The following CACNA1H variants were observed in gnomAD, a reference collection of about 807,000 sequenced individuals.
CACNA1H encodes the protein voltage-dependent T-type calcium channel subunit alpha-1H.
In CACNA1H, 149 loss-of-function variants were observed where a neutral mutation model predicts 192.5. That is an observed-to-expected ratio of 0.77 (90% CI 0.68 to 0.89). CACNA1H has a LOEUF of 0.89. Among genes scored for constraint, CACNA1H ranks in the 40% least tolerant of loss-of-function variants. The probability of loss-of-function intolerance (pLI) is 0.00; values close to 1 mark genes in which losing one functional copy is unlikely to be tolerated. For synonymous variants in CACNA1H, 2,202 were observed against 1,475.2 expected (o/e 1.49, Z -11.29); for missense variants, 4,257 against 3,423.5 (o/e 1.24, Z -6.08).
Position 1,205,116 on chromosome 16 carries a change from C to T in CACNA1H, c.2454C>T (p.Pro818=), listed in dbSNP as rs545917540. ...LSMGVEYHEQ[P]EELTNALEIS... ...ACTGTCCCCACCTCTGCCTGCAGCC[C>T]GAGGAGCTGACTAATGCTCTGGAGA... is the stretch of plus-strand genomic sequence containing the variant. The change falls in exon 11 of 35, where the codon CCC becomes CCT. Residue 818 remains proline, a splice_region_variant and synonymous_variant. Transcript: ENST00000348261. 1.1e-5 allele frequency: 18 copies of T among 1,610,864 alleles called. No homozygotes were observed. The highest frequency in any genetic ancestry group is 1.6e-4 in the Middle Eastern group (1 of 6,078).
At chr16:1,175,490 A>G (rs1018341849) in intron 2 of CACNA1H, among the ~76,000 whole-genome samples, 1 of 151,670 alleles carries the variant, frequency 6.6e-6, no homozygotes, top group Admixed American at 6.6e-5. Context: ...GGCTGGATGC[A>G]CCCCTGCCCC....
Position 1,198,482 on chromosome 16 carries a change from C to T in CACNA1H, c.644-133C>T, listed in dbSNP as rs35745841. On this transcript the variant is annotated intron_variant, in intron 5 of 34. Coordinates refer to ENST00000348261, the MANE Select transcript of CACNA1H (RefSeq NM_021098.3). ...GCGGGAAAATCACCAGGGGGTGGCC[C>T]GAGTCAGTGTGCAGTGGGCGTGGAC... is the stretch of plus-strand genomic sequence containing the variant. 1.0e-3 allele frequency: 937 copies of T among 927,880 alleles called. 10 individuals carry two copies. The African/African-American group carries it at 0.014, about 14-fold the overall frequency. 57.5% of individuals were successfully genotyped at this position (927,880 alleles called of 1,614,324 possible).
chr16:1,197,569 C>G (rs1224810379), intron 5 of CACNA1H, among the ~76,000 whole-genome samples: 1 of 152,212 alleles, frequency 6.6e-6, no homozygotes, highest in Non-Finnish European at 1.5e-5. Context: ...AGGGCTGCAT[C>G]CTGTTCTGTT....
intron 19 of CACNA1H, 32 bp from the exon 20 acceptor site, chr16:1,210,551 G>A: frequency 6.2e-7 from 1 of 1,610,166 alleles, no homozygotes; most frequent in Non-Finnish European, 8.5e-7. Context: ...GGGGTGGAGT[G>A]GACACAGCCC....
At position 1,202,271 on chromosome 16, in the gene CACNA1H, G is replaced by T. The variant is rs187675719; in HGVS notation, c.1821G>T (p.Gly607=). ...CTGCCAGCCTCAGACTGGCCACAGG[G>T]CTGGGCACCATGAACTACCCCACGA... ...TAAASLRLAT[G]LGTMNYPTIL... is the part of the protein sequence containing the mutation. The change falls in exon 9 of 35, where the codon GGG becomes GGT. Residue 607 remains glycine (G), a synonymous_variant. Transcript: ENST00000348261. The T allele has an allele frequency of 6.2e-5, 98 of 1,578,402 alleles. No homozygotes were observed. Among genetic ancestry groups the T allele is most frequent in the Non-Finnish European group, 8.3e-5 (97 of 1,164,404 alleles).
chr16:1,212,714 G>T (rs747240035), intron 26 of CACNA1H, among the ~76,000 whole-genome samples, 186 bp downstream of exon 26: 5 of 152,186 alleles, frequency 3.3e-5, no homozygotes, highest in Non-Finnish European at 7.4e-5. Flanking sequence ...GCGTGCACGC[G>T]TGCGGCTCTG....
chr16:1,154,902 G>C (rs1962102929), intron 2 of CACNA1H, among the ~76,000 whole-genome samples: 2 of 152,196 alleles, frequency 1.3e-5, no homozygotes, highest in Admixed American at 6.5e-5. Context: ...GGCCTTGCGT[G>C]GTGCCTGTGT....
Position 1,220,879 on chromosome 16 carries a change from AC to A in CACNA1H, c.6953del (p.Pro2318GlnfsTer67). 3 of 1,612,122 alleles carry A rather than the reference AC, an allele frequency of 1.9e-6. No homozygotes were observed. Among genetic ancestry groups the A allele is most frequent in the Non-Finnish European group, 2.5e-6 (3 of 1,179,630 alleles). ...PESEPPMPVG[D>X]PPEKRRGLYL... Reference sequence around the variant, plus strand: ...TCAGAGCCTCCCATGCCCGTCGGTGACCCCCCAGAGAAGAGGCGGGGGCTGT... The same window carrying A: ...TCAGAGCCTCCCATGCCCGTCGGTGACCCCCAGAGAAGAGGCGGGGGCTGT... On this transcript the variant is annotated frameshift_variant, in exon 35 of 35. Coordinates refer to ENST00000348261, the MANE Select transcript of CACNA1H (RefSeq NM_021098.3). LOFTEE classifies it low-confidence loss of function (END_TRUNC).
chr16:1,155,362 C>A (rs962401299), intron 2 of CACNA1H, among the ~76,000 whole-genome samples: 2 of 152,210 alleles, frequency 1.3e-5, no homozygotes, highest in Non-Finnish European at 2.9e-5. Flanking sequence ...GGTGCAGGCC[C>A]GGCCTTGAAG....
intron 2 of CACNA1H, among the ~76,000 whole-genome samples, chr16:1,174,480 G>T (rs538254473): frequency 1.3e-5 from 2 of 151,902 alleles, no homozygotes; most frequent in African/African-American, 2.4e-5. Flanking sequence ...GCCCAGCCTG[G>T]ACTCTGCAGG....
chr16:1,208,573 T>A (rs1052540240), intron 16 of CACNA1H, among the ~76,000 whole-genome samples: 1 of 152,122 alleles, frequency 6.6e-6, no homozygotes, highest in African/African-American at 2.4e-5. Flanking sequence ...CCCGATTCCC[T>A]TTACGGCCAG....
At chr16:1,160,772 G>A (rs1482105198) in intron 2 of CACNA1H, among the ~76,000 whole-genome samples, 3 of 152,180 alleles carry the variant, frequency 2.0e-5, no homozygotes, top group African/African-American at 4.8e-5. Context: ...CTGCCGCCCG[G>A]TCGCTTGCCG....
intron 2 of CACNA1H, among the ~76,000 whole-genome samples, chr16:1,193,298 G>T (rs1966777849): frequency 6.6e-6 from 1 of 152,260 alleles, no homozygotes; most frequent in Non-Finnish European, 1.5e-5. Context: ...CGAGGCTGGG[G>T]GCGGAGCCGC....
chr16:1,217,878 G>A (rs1970160469), intron 31 of CACNA1H, 41 bp from the exon 32 acceptor site: 1 of 1,559,334 alleles, frequency 6.4e-7, no homozygotes, highest in African/African-American at 1.4e-5. Flanking sequence ...CCTCCACCCG[G>A]AGCGGGCTCG....
chr16:1,193,376 G>A (rs543327376), intron 2 of CACNA1H, among the ~76,000 whole-genome samples: 14 of 152,370 alleles, frequency 9.2e-5, no homozygotes, highest in African/African-American at 2.6e-4. Context: ...GGCCTGGCAC[G>A]GCTTCCACAG....
intron 9 of CACNA1H, 59 bp downstream of exon 9, chr16:1,202,511 G>T (rs1434175104): frequency 5.0e-6 from 7 of 1,395,646 alleles, no homozygotes; most frequent in East Asian, 2.5e-5. Context: ...GGCGGGCAGG[G>T]TCTCCGGTGT....
intron 5 of CACNA1H, among the ~76,000 whole-genome samples, chr16:1,197,405 C>T (rs995918549): frequency 1.3e-5 from 2 of 152,266 alleles, no homozygotes; most frequent in Non-Finnish European, 2.9e-5. Context: ...CAGCCCCTTC[C>T]TTCCATGGAT....
chr16:1,188,456 T>C (rs994218736), intron 2 of CACNA1H, among the ~76,000 whole-genome samples: 1 of 152,096 alleles, frequency 6.6e-6, no homozygotes, highest in Non-Finnish European at 1.5e-5. Context: ...GCCCTGAGAC[T>C]GGCTCCTGGC....
rs1227539325 is a variant in CACNA1H, at chr16:1,205,218, C to T, written c.2556C>T (p.Tyr852=). The T allele has an allele frequency of 1.2e-5, 19 of 1,612,938 alleles. No individual in the cohort carries two copies. Among genetic ancestry groups the T allele is most frequent in the Admixed American group, 1.7e-5 (1 of 60,008 alleles). ...LKLLACGPLG[Y]IRNPYNIFDG... ...TGCTGGCCTGCGGCCCTCTGGGCTA[C>T]ATCCGGAACCCGTACAACATCTTCG... The change falls in exon 11 of 35, where the codon TAC becomes TAT. Residue 852 remains tyrosine (Y), a synonymous_variant. Transcript: ENST00000348261.
Sources: gnomAD v4.1 joint callset for allele counts (sites outside exome capture counted in the v4.1 genomes callset) on GRCh38, gnomAD v4.1.1 for gene constraint, MANE v1.5 for transcripts, NCBI Gene and HGNC (gene_info 2026-07-23, HGNC 2026-07-21) for gene names.